SDK1: variants seen among roughly 807,000 people sequenced by gnomAD.
SDK1 encodes sidekick cell adhesion molecule 1.
In SDK1, 157 loss-of-function variants were observed where a neutral mutation model predicts 245.5. The ratio of observed to expected loss-of-function variants is 0.64; its 90% CI spans 0.56 to 0.73. The LOEUF (loss-of-function observed/expected upper bound fraction) is 0.73. Among genes scored for constraint, SDK1 ranks in the 30% least tolerant of loss-of-function variants. The pLI is 0.00. For synonymous variants in SDK1, 1,647 were observed against 1,278.5 expected (o/e 1.29, Z -6.15); for missense variants, 3,583 against 3,002.3 (o/e 1.19, Z -4.52).
intron 28 of SDK1, among the ~76,000 whole-genome samples, chr7:4,140,890 C>A (rs897916119): frequency 2.6e-5 from 4 of 152,052 alleles, no homozygotes; most frequent in Non-Finnish European, 5.9e-5. Context: ...TCGCTTGAGC[C>A]GAGGAGTTCA....
intron 35 of SDK1, among the ~76,000 whole-genome samples, chr7:4,187,525 C>T (rs1475641261): frequency 6.6e-6 from 1 of 152,176 alleles, no homozygotes; most frequent in Non-Finnish European, 1.5e-5. Flanking sequence ...TAAATCTTTC[C>T]TAGTTTATTA....
intron 1 of SDK1, among the ~76,000 whole-genome samples, chr7:3,565,783 G>C (rs576874980): frequency 2.6e-5 from 4 of 152,276 alleles, no homozygotes; most frequent in African/African-American, 9.6e-5. Flanking sequence ...ATGTTAAGTA[G>C]TTGTTATATT....
intron 13 of SDK1, among the ~76,000 whole-genome samples, chr7:3,975,836 C>T (rs1451405088): frequency 5.2e-5 from 8 of 152,384 alleles, no homozygotes; most frequent in Admixed American, 6.5e-5. Flanking sequence ...GCAGGAGTCC[C>T]CATGGCTCTA....
chr7:3,700,395 AGAG>A (rs1476641701), intron 4 of SDK1, among the ~76,000 whole-genome samples: 1 of 152,232 alleles, frequency 6.6e-6, no homozygotes, highest in African/African-American at 2.4e-5. Context: ...ACAGTGATAT[AGAG>A]GAGATGTTTA....
intron 43 of SDK1, among the ~76,000 whole-genome samples, chr7:4,243,173 C>G (rs1302289579): frequency 6.6e-6 from 1 of 152,238 alleles, no homozygotes; most frequent in Non-Finnish European, 1.5e-5. Flanking sequence ...GCAACTCTGT[C>G]TTCTGAGTTC....
chr7:3,572,426 A>G (rs1287988024), intron 1 of SDK1, among the ~76,000 whole-genome samples: 6 of 152,000 alleles, frequency 3.9e-5, no homozygotes, highest in Non-Finnish European at 1.5e-5. Context: ...ACCAAGACCT[A>G]GGCTTGGCGT....
intron 1 of SDK1, among the ~76,000 whole-genome samples, chr7:3,395,335 A>C (rs1379666164): frequency 6.6e-6 from 1 of 151,904 alleles, no homozygotes; most frequent in East Asian, 1.9e-4. Flanking sequence ...ATGGCTTATC[A>C]TCTTTTTTTA....
At chr7:3,681,179 A>AAAC (rs1784087922) in intron 4 of SDK1, among the ~76,000 whole-genome samples, 2 of 137,014 alleles carry the variant, frequency 1.5e-5, no homozygotes, top group African/African-American at 2.8e-5. Flanking sequence ...CCATCTGAGT[A>AAAC]TGCCCCCGAG....
intron 1 of SDK1, among the ~76,000 whole-genome samples, chr7:3,420,018 G>T (rs916921142): frequency 1.3e-5 from 2 of 152,204 alleles, no homozygotes; most frequent in African/African-American, 4.8e-5. Flanking sequence ...TGCCACCCAA[G>T]CTTTGGGTTT....
At chr7:4,069,499 CGG>C (rs1361451199) in intron 20 of SDK1, among the ~76,000 whole-genome samples, 1 of 152,224 alleles carries the variant, frequency 6.6e-6, no homozygotes, top group African/African-American at 2.4e-5. Flanking sequence ...CTGACGCGAG[CGG>C]TCAGTTTGGA....
intron 1 of SDK1, among the ~76,000 whole-genome samples, chr7:3,335,337 C>T (rs1220262806): frequency 6.6e-6 from 1 of 152,122 alleles, no homozygotes; most frequent in African/African-American, 2.4e-5. Flanking sequence ...TACCAAGTTA[C>T]TTCCAAGCTG....
At chr7:3,536,616 C>T (rs573666856) in intron 1 of SDK1, among the ~76,000 whole-genome samples, 2 of 151,886 alleles carry the variant, frequency 1.3e-5, no homozygotes, top group East Asian at 1.9e-4. Flanking sequence ...ATTGCTCGAA[C>T]GTGGGAGATG....
At chr7:3,923,980 T>A (rs1156869279) in intron 5 of SDK1, among the ~76,000 whole-genome samples, 1 of 152,198 alleles carries the variant, frequency 6.6e-6, no homozygotes, top group Non-Finnish European at 1.5e-5. Context: ...TGATTTTGAT[T>A]CTCAGCAGAA....
At chr7:3,532,072 A>C (rs956308374) in intron 1 of SDK1, among the ~76,000 whole-genome samples, 2 of 152,152 alleles carry the variant, frequency 1.3e-5, no homozygotes, top group Non-Finnish European at 2.9e-5. Context: ...TGTTGATGGA[A>C]ATTTTTGTAG....
At chr7:4,033,287 AC>A (rs1224794258) in intron 17 of SDK1, among the ~76,000 whole-genome samples, 4 of 152,282 alleles carry the variant, frequency 2.6e-5, no homozygotes, top group East Asian at 3.9e-4. Context: ...TCCATTCCCT[AC>A]CCCCATATAC....
chr7:3,323,291 A>C (rs934927149), intron 1 of SDK1, among the ~76,000 whole-genome samples: 15 of 152,298 alleles, frequency 9.8e-5, no homozygotes, highest in African/African-American at 3.6e-4. Context: ...CTGATGTCTG[A>C]TGGGAACCCA....
At chr7:3,566,534 C>CTTA (rs987809587) in intron 1 of SDK1, among the ~76,000 whole-genome samples, 62 of 152,102 alleles carry the variant, frequency 4.1e-4, no homozygotes, top group African/African-American at 1.5e-3. Context: ...CGATAAACTT[C>CTTA]TTAAAAACAT....
intron 4 of SDK1, among the ~76,000 whole-genome samples, chr7:3,818,257 C>A (rs1307432024): frequency 1.3e-5 from 2 of 152,156 alleles, no homozygotes; most frequent in African/African-American, 4.8e-5. Flanking sequence ...TGTAATTTTT[C>A]TATGAAGTCA....
chr7:3,664,578 A>G (rs1014846600), intron 4 of SDK1, among the ~76,000 whole-genome samples: 2 of 151,984 alleles, frequency 1.3e-5, no homozygotes, highest in African/African-American at 2.4e-5. Context: ...GTCTTCTACT[A>G]AAAATACAAA....
Sources: allele counts gnomAD v4.1 joint callset (sites outside exome capture counted in the v4.1 genomes callset), GRCh38; gene constraint gnomAD v4.1.1; transcripts MANE v1.5; gene names NCBI Gene and HGNC (gene_info 2026-07-23, HGNC 2026-07-21).